Variants in BLVRA observed in about 807,000 individuals in gnomAD.
BLVRA encodes the protein BVR A.
BLVRA carries 22 observed loss-of-function variants against 32.8 expected under a neutral mutation model. The ratio of observed to expected loss-of-function variants is 0.67; its 90% CI spans 0.48 to 0.96. The LOEUF (loss-of-function observed/expected upper bound fraction) is 0.96. BLVRA is among the 40% of genes least tolerant of loss of function. The probability of loss-of-function intolerance (pLI) is 0.00; values close to 1 mark genes in which losing one functional copy is unlikely to be tolerated. For missense variants in BLVRA, 323 were observed against 358.1 expected (o/e 0.90, Z 0.79); for synonymous variants, 119 against 141.3 (o/e 0.84, Z 1.12).
Position 43,807,323 on chromosome 7 carries a change from A to G in BLVRA, c.*88A>G. 1 of 1,569,152 alleles carries G rather than the reference A, an allele frequency of 6.4e-7. No homozygotes were observed. Among genetic ancestry groups the G allele is most frequent in the East Asian group, 2.2e-5 (1 of 44,654 alleles). On this transcript the variant is annotated 3_prime_UTR_variant, in exon 8 of 8. Coordinates refer to ENST00000265523, the MANE Select transcript of BLVRA (RefSeq NM_000712.4). ...CCATTATCTCTATTCTTAAAATTAA[A>G]CATGTTGGGGAAACAAGAATCTTAT... is the stretch of plus-strand genomic sequence containing the variant.
chr7:43,771,382 C>A (rs1028582026), intron 2 of BLVRA, among the ~76,000 whole-genome samples: 4 of 152,200 alleles, frequency 2.6e-5, no homozygotes, highest in African/African-American at 9.7e-5. Flanking sequence ...TTCATTCGAA[C>A]TTACCCACTG....
chr7:43,800,640 T>C, intron 6 of BLVRA, 68 bp downstream of exon 6: 1 of 1,360,004 alleles, frequency 7.4e-7, no homozygotes, highest in Non-Finnish European at 1.0e-6. Context: ...TTCCTGGCTC[T>C]CTGGGATGGG....
Position 43,792,718 on chromosome 7 carries a change from G to C in BLVRA, c.258G>C (p.Gln86His), listed in dbSNP as rs370267506. ...ESSSHEDYIRQFLNAGKHVLV... is the reference protein window; with the variant it reads ...ESSSHEDYIRHFLNAGKHVLV... ...GTATTTGTCTCGTTTACCAAAGGCA[G>C]TTCCTTAATGCTGGCAAGCACGTCC... Residue 86 changes from glutamine to histidine, a missense_variant, in exon 5 of 8, where the codon CAG (glutamine) becomes CAC (histidine). Physicochemically the swap from Gln to His is conservative, Grantham distance 24. Coordinates refer to ENST00000265523, the MANE Select transcript of BLVRA (RefSeq NM_000712.4). 5 of 1,614,090 alleles carry C rather than the reference G, an allele frequency of 3.1e-6. No individual in the cohort carries two copies. The highest frequency in any genetic ancestry group is 4.2e-6 in the Non-Finnish European group (5 of 1,179,966).
At chr7:43,788,620 T>G (rs1293926598) in intron 3 of BLVRA, among the ~76,000 whole-genome samples, 1 of 151,750 alleles carries the variant, frequency 6.6e-6, no homozygotes, top group Non-Finnish European at 1.5e-5. Flanking sequence ...ATTATTATTA[T>G]TTTTTTTGAG....
In BLVRA at chr7:43,787,716, C is replaced by T. The variant is rs902183792; in HGVS notation, c.13-188C>T. Among the ~76,000 whole-genome samples, 1 of 152,146 alleles carries T rather than the reference C, an allele frequency of 6.6e-6. No homozygotes were observed. The highest frequency in any genetic ancestry group is 1.5e-5 in the Non-Finnish European group (1 of 68,020). On this transcript the variant is annotated intron_variant, in intron 2 of 7. Transcript: ENST00000265523. This position sits in a 1 kb window ranked among gnomAD's most constrained non-coding sequence, Gnocchi z 4.5. ...GAGCACCTTCAAGAACAGGTTTTGGCGGGACTGACTTCTCTCCAAGCCCCC... is the reference window on the plus strand; with the variant it reads ...GAGCACCTTCAAGAACAGGTTTTGGTGGGACTGACTTCTCTCCAAGCCCCC...
chr7:43,777,489 G>T (rs891619925), intron 2 of BLVRA, among the ~76,000 whole-genome samples: 178 of 152,282 alleles, frequency 1.2e-3, no homozygotes, highest in African/African-American at 4.1e-3. Context: ...CTTCTGGCTT[G>T]TAGAGTTTCT....
chr7:43,767,962 AT>A (rs1012353220), intron 1 of BLVRA, among the ~76,000 whole-genome samples: 25 of 152,292 alleles, frequency 1.6e-4, no homozygotes, highest in South Asian at 1.0e-3. Context: ...AAGCAGTAGA[AT>A]TGCTAGGTCA....
chr7:43,800,733 T>C (rs998225284), intron 6 of BLVRA, among the ~76,000 whole-genome samples, 161 bp downstream of exon 6: 7 of 152,168 alleles, frequency 4.6e-5, no homozygotes, highest in Admixed American at 4.6e-4. Context: ...TTGGTGGCCC[T>C]TGGGTAAAGA....
chr7:43,805,097 C>T (rs2095802705), intron 7 of BLVRA, among the ~76,000 whole-genome samples: 1 of 152,118 alleles, frequency 6.6e-6, no homozygotes, highest in African/African-American at 2.4e-5. Context: ...TATACACAGA[C>T]AGTTGTAGCA....
At chr7:43,765,324 T>G (rs1419162890) in intron 1 of BLVRA, among the ~76,000 whole-genome samples, 2 of 151,820 alleles carry the variant, frequency 1.3e-5, no homozygotes, top group Non-Finnish European at 1.5e-5. Flanking sequence ...TGATCTCGGC[T>G]CACTGCAACC....
chr7:43,790,036 C>A (rs368790253), intron 3 of BLVRA, among the ~76,000 whole-genome samples: 1 of 152,102 alleles, frequency 6.6e-6, no homozygotes. Flanking sequence ...GTTTGGGTGG[C>A]CCCATTAAAG....
chr7:43,796,794 A>C (rs1218712026), intron 5 of BLVRA, among the ~76,000 whole-genome samples: 1 of 152,250 alleles, frequency 6.6e-6, no homozygotes, highest in African/African-American at 2.4e-5. Context: ...GATATCTGCA[A>C]ATCTTATCTT....
chr7:43,797,055 T>G (rs2095793606), intron 5 of BLVRA, among the ~76,000 whole-genome samples: 1 of 152,224 alleles, frequency 6.6e-6, no homozygotes. Flanking sequence ...AAGCAAGACC[T>G]TCCTTCAGCA....
At chr7:43,805,741 G>A (rs1036934899) in intron 7 of BLVRA, among the ~76,000 whole-genome samples, 1 of 151,840 alleles carries the variant, frequency 6.6e-6, no homozygotes, top group African/African-American at 2.4e-5. Flanking sequence ...TTTATTTTGA[G>A]ACCGGGTTAT....
rs150816219 is a variant in BLVRA, at chr7:43,762,009, G to T, written c.-22+3275G>T. On this transcript the variant is annotated intron_variant, in intron 1 of 7. Transcript: ENST00000265523. The stretch of plus-strand genomic sequence containing the variant: ...TTACCTTTACCCTTAGACCTCTGAG[G>T]CTGGCAGCTGGCCCCACCTGAGAGG... Among the ~76,000 whole-genome samples the T allele has an allele frequency of 1.6e-3, 240 of 152,168 alleles. 1 individual carries two copies. The highest frequency in any genetic ancestry group is 5.7e-3 in the African/African-American group (235 of 41,514).
chr7:43,798,654 C>T (rs2095795457), intron 5 of BLVRA, among the ~76,000 whole-genome samples: 1 of 152,178 alleles, frequency 6.6e-6, no homozygotes, highest in African/African-American at 2.4e-5. Context: ...CTTGTACTTT[C>T]TCTGCCTCAG....
At chr7:43,799,919 A>T (rs1008572437) in intron 5 of BLVRA, among the ~76,000 whole-genome samples, 2 of 151,646 alleles carry the variant, frequency 1.3e-5, no homozygotes, top group Non-Finnish European at 1.5e-5. Context: ...TTAAATTTTC[A>T]TTTCATTTCT....
At chr7:43,791,653 A>G in intron 4 of BLVRA, 1 of 370,938 alleles carries the variant, frequency 2.7e-6, no homozygotes, top group East Asian at 6.2e-5. Context: ...AAACCCATCG[A>G]GAGTAGTTTT....
Position 43,787,816 on chromosome 7 carries a change from T to C in BLVRA, c.13-88T>C, listed in dbSNP as rs1338576793. Reference sequence around the variant, plus strand: ...TTTGGGCTGGCTTCCATCTTGCTCGTCGGGACCCTGCCAGCTCCTTTGTTT... The same window carrying C: ...TTTGGGCTGGCTTCCATCTTGCTCGCCGGGACCCTGCCAGCTCCTTTGTTT... On this transcript the variant is annotated intron_variant, in intron 2 of 7. Coordinates refer to ENST00000265523, the MANE Select transcript of BLVRA (RefSeq NM_000712.4). The surrounding 1 kb of genome is among the most constrained non-coding windows in gnomAD (Gnocchi z 4.5). 1.6e-5 allele frequency: 26 copies of C among 1,606,750 alleles called. No individual in the cohort carries two copies. The highest frequency in any genetic ancestry group is 3.3e-5 in the Admixed American group (2 of 59,968).
Sources: gnomAD v4.1 joint callset for allele counts (sites outside exome capture counted in the v4.1 genomes callset) on GRCh38, gnomAD v4.1.1 for gene constraint, Gnocchi (gnomAD v3.1) non-coding constraint, MANE v1.5 for transcripts, NCBI Gene and HGNC (gene_info 2026-07-23, HGNC 2026-07-21) for gene names.